SLC43A2: variants seen among roughly 807,000 people sequenced by gnomAD.
The protein encoded by SLC43A2 is solute carrier family 43 member 2, also known as large neutral amino acids transporter small subunit 4.
A neutral mutation model predicts 63.2 loss-of-function variants in SLC43A2; 38 were observed. The ratio of observed to expected loss-of-function variants is 0.60; its 90% CI spans 0.46 to 0.79. The LOEUF is 0.79. SLC43A2 is among the 30% of genes least tolerant of loss of function. The probability of loss-of-function intolerance (pLI) is 0.00; values close to 1 mark genes in which losing one functional copy is unlikely to be tolerated. For missense variants in SLC43A2, 644 were observed against 756.2 expected (o/e 0.85, Z 1.74); for synonymous variants, 322 against 331.0 (o/e 0.97, Z 0.30).
At chr17:1,600,549 CTTTTTTTT>C (rs398030152) in intron 5 of SLC43A2, among the ~76,000 whole-genome samples, 5 of 73,764 alleles carry the variant, frequency 6.8e-5, no homozygotes, top group Non-Finnish European at 1.3e-4. Context: ...TTTCTTTCCT[CTTTTTTTT>C]TTTTTTTTTT....
intron 5 of SLC43A2, among the ~76,000 whole-genome samples, chr17:1,596,180 C>T (rs1003618861): frequency 2.0e-5 from 3 of 152,102 alleles, no homozygotes; most frequent in East Asian, 3.9e-4. Flanking sequence ...ATTAGCCGGG[C>T]GTGGTGGTGG....
chr17:1,592,627 T>C, intron 6 of SLC43A2, among the ~76,000 whole-genome samples: 1 of 151,886 alleles, frequency 6.6e-6, no homozygotes, highest in East Asian at 1.9e-4. Context: ...GGCTTTTACT[T>C]AGTGTGAGGG....
At chr17:1,621,585 C>G (rs892695074) in intron 2 of SLC43A2, among the ~76,000 whole-genome samples, 1 of 152,236 alleles carries the variant, frequency 6.6e-6, no homozygotes, top group African/African-American at 2.4e-5. Context: ...TGACCAGGGC[C>G]TGGCCCCTGA....
chr17:1,615,365 C>T (rs1236844694), intron 3 of SLC43A2, among the ~76,000 whole-genome samples: 1 of 151,982 alleles, frequency 6.6e-6, no homozygotes, highest in African/African-American at 2.4e-5. Flanking sequence ...CCAACTCTGC[C>T]TCCCAAAAAG....
intron 2 of SLC43A2, among the ~76,000 whole-genome samples, chr17:1,618,208 A>G (rs531084633): frequency 4.7e-4 from 72 of 152,328 alleles, no homozygotes; most frequent in African/African-American, 1.7e-3. Context: ...CGTGTGGATG[A>G]AGAGCGTGGA....
intron 1 of SLC43A2, 135 bp from the exon 2 acceptor site, chr17:1,628,055 G>GA (rs1389427800): frequency 1.9e-4 from 172 of 914,076 alleles, no homozygotes; most frequent in Non-Finnish European, 2.4e-4. Context: ...CGCAGCAGAG[G>GA]AAGCGAACCC....
In SLC43A2 at chr17:1,591,727, G is replaced by GGT. The variant is rs779995173; in HGVS notation, c.595-29_595-28insAC. The GGT allele has an allele frequency of 7.8e-4, 758 of 968,390 alleles. 15 individuals carry two copies. The highest frequency in any genetic ancestry group is 8.9e-4 in the South Asian group (64 of 71,816). 60.0% of individuals were successfully genotyped at this position (968,390 alleles called of 1,614,324 possible). A position where few individuals can be genotyped will look rare whatever the true frequency, so the allele number is the denominator to read the frequency against. On this transcript the variant is annotated intron_variant, in intron 6 of 13. Transcript: ENST00000301335. ...GACAGGCACCGCGGGGACGGGGTGG[G>GGT]GGGGGGAGGGGGCAGAGTTAGCCCG...
chr17:1,585,208 T>G, intron 10 of SLC43A2: 1 of 994,164 alleles, frequency 1.0e-6, no homozygotes, highest in South Asian at 4.4e-5. Context: ...TTCACCTGTG[T>G]CTCTTTTTCT....
At chr17:1,580,194 A>G (rs946882995) in intron 11 of SLC43A2, among the ~76,000 whole-genome samples, 4 of 152,332 alleles carry the variant, frequency 2.6e-5, no homozygotes, top group Non-Finnish European at 4.4e-5. Context: ...CTGGGATTAC[A>G]GGCGTGAGCC....
rs536911499 is a variant in SLC43A2, at chr17:1,572,021, C to G, written c.*3583G>C. On this transcript the variant is annotated 3_prime_UTR_variant, in exon 14 of 14. Transcript: ENST00000301335. ...GGAGGATGAGGGGCAGACGGGAGGC[C>G]CGGCCACTGGTGCCTGCTCCTTTGA... is the stretch of plus-strand genomic sequence containing the variant. 1 of 152,560 alleles carries G rather than the reference C, an allele frequency of 6.6e-6. No homozygotes were observed. The highest frequency in any genetic ancestry group is 1.9e-4 in the East Asian group (1 of 5,170). 9.5% of individuals were successfully genotyped at this position (152,560 alleles called of 1,614,324 possible).
At chr17:1,611,238 C>T (rs944196584) in intron 5 of SLC43A2, among the ~76,000 whole-genome samples, 2 of 152,198 alleles carry the variant, frequency 1.3e-5, no homozygotes, top group South Asian at 2.1e-4. Flanking sequence ...AGGACCATCT[C>T]GTTCCTTTAT....
Position 1,578,457 on chromosome 17 carries a change from G to T in SLC43A2, c.1351-134C>A. On this transcript the variant is annotated intron_variant, in intron 11 of 13. Coordinates refer to ENST00000301335, the MANE Select transcript of SLC43A2 (RefSeq NM_152346.3). This position sits in a 1 kb window ranked among gnomAD's most constrained non-coding sequence, Gnocchi z 6.5. ...AGTTGGATCAACCCCATCCTCCGGAGCCAATTGTGAATTTTCAGAAATTTT... is the reference window on the plus strand; with the variant it reads ...AGTTGGATCAACCCCATCCTCCGGATCCAATTGTGAATTTTCAGAAATTTT... 1.4e-6 allele frequency: 1 copy of T among 732,268 alleles called. No individual in the cohort carries two copies. The highest frequency in any genetic ancestry group is 2.2e-6 in the Non-Finnish European group (1 of 462,740). 45.4% of individuals were successfully genotyped at this position (732,268 alleles called of 1,614,324 possible). A position where few individuals can be genotyped will look rare whatever the true frequency, so the allele number is the denominator to read the frequency against.
chr17:1,585,667 C>A, intron 10 of SLC43A2: 1 of 1,422,616 alleles, frequency 7.0e-7, no homozygotes. Context: ...GGATTACAGG[C>A]ATGAGTCACC....
At position 1,605,233 on chromosome 17, in the gene SLC43A2, T is replaced by C. The variant is rs1390387008; in HGVS notation, c.501+7962A>G. 3 of 1,070,330 alleles carry C rather than the reference T, an allele frequency of 2.8e-6. No individual in the cohort carries two copies. The African/African-American group carries it at 5.0e-5, about 18-fold the overall frequency. 66.3% of individuals were successfully genotyped at this position (1,070,330 alleles called of 1,614,324 possible). A position where few individuals can be genotyped will look rare whatever the true frequency, so the allele number is the denominator to read the frequency against. ...TCAGTCACACAGGGAAGCCCGTGAC[T>C]CTCTCTCTTTCAGCCCCCTGGCTGC... On this transcript the variant is annotated intron_variant, in intron 5 of 13. Coordinates refer to ENST00000301335, the MANE Select transcript of SLC43A2 (RefSeq NM_152346.3). The surrounding 1 kb of genome is among the most constrained non-coding windows in gnomAD (Gnocchi z 4.9).
At chr17:1,584,955 A>G (rs2076079204) in intron 10 of SLC43A2, among the ~76,000 whole-genome samples, 1 of 152,240 alleles carries the variant, frequency 6.6e-6, no homozygotes, top group South Asian at 2.1e-4. Context: ...TTAACACATA[A>G]TATGTTTATA....
intron 5 of SLC43A2, among the ~76,000 whole-genome samples, chr17:1,599,187 A>G (rs1905639685): frequency 6.6e-6 from 1 of 151,886 alleles, no homozygotes; most frequent in Non-Finnish European, 1.5e-5. Flanking sequence ...AAAAATACCA[A>G]AAATTAGCCG....
intron 8 of SLC43A2, 121 bp downstream of exon 8, chr17:1,591,148 C>A: frequency 6.6e-6 from 9 of 1,353,618 alleles, no homozygotes; most frequent in South Asian, 2.7e-5. Context: ...CCTTCCTGAG[C>A]GCCTCTGCAG....
intron 5 of SLC43A2, 125 bp downstream of exon 5, chr17:1,613,070 C>CG: frequency 1.2e-6 from 1 of 846,726 alleles, no homozygotes. Flanking sequence ...CATAGCCCCT[C>CG]TACTGTTTGG....
At position 1,593,772 on chromosome 17, in the gene SLC43A2, T is replaced by C. The variant is rs1421147316; in HGVS notation, c.502-493A>G. Among the ~76,000 whole-genome samples, 1 of 152,188 alleles carries C rather than the reference T, an allele frequency of 6.6e-6. No individual in the cohort carries two copies. Among genetic ancestry groups the C allele is most frequent in the African/African-American group, 2.4e-5 (1 of 41,442 alleles). The stretch of plus-strand genomic sequence containing the variant: ...TTGGAGAGGGTAGGTTTTTGGAAGA[T>C]GTCAATCAGAATTCTACAGTTCTCT... On this transcript the variant is annotated intron_variant, in intron 5 of 13. Coordinates refer to ENST00000301335, the MANE Select transcript of SLC43A2 (RefSeq NM_152346.3). This position sits in a 1 kb window ranked among gnomAD's most constrained non-coding sequence, Gnocchi z 5.3.
Sources: allele counts gnomAD v4.1 joint callset (sites outside exome capture counted in the v4.1 genomes callset), GRCh38; gene constraint gnomAD v4.1.1; non-coding constraint Gnocchi (gnomAD v3.1); transcripts MANE v1.5; gene names NCBI Gene and HGNC (gene_info 2026-07-23, HGNC 2026-07-21).